Variants in COX4I2 observed in about 807,000 individuals in gnomAD.
The protein encoded by COX4I2 is cytochrome c oxidase subunit 4I2, also known as cytochrome c oxidase subunit 4 isoform 2, mitochondrial.
COX4I2 carries 15 observed loss-of-function variants against 20.8 expected under a neutral mutation model. The observed-to-expected ratio is 0.72, with a 90% CI of 0.48 to 1.11. The LOEUF is 1.11. COX4I2 is among the 50% of genes most tolerant of loss of function. The probability of loss-of-function intolerance (pLI) is 0.00; values close to 1 mark genes in which losing one functional copy is unlikely to be tolerated. For missense variants in COX4I2, 224 were observed against 223.0 expected (o/e 1.00, Z -0.03); for synonymous variants, 80 against 78.1 (o/e 1.02, Z -0.13).
chr20:31,643,338 G>A lies in COX4I2; in HGVS notation c.248-66G>A, dbSNP rs2060478584. ...AATGAACAGCATCTGCTGCAGGGAG[G>A]GGGAAGCCGGGATCACTTAGAGTGG... is the stretch of plus-strand genomic sequence containing the variant. On this transcript the variant is annotated intron_variant, in intron 3 of 4. Coordinates refer to ENST00000376075, the MANE Select transcript of COX4I2 (RefSeq NM_032609.3). 6 of 1,599,008 alleles carry A rather than the reference G, an allele frequency of 3.8e-6. No homozygotes were observed. In the Admixed American group the frequency reaches 5.0e-5, roughly 13 times the overall value.
chr20:31,643,542 G>A lies in COX4I2; in HGVS notation c.379+7G>A, dbSNP rs1385948337. The A allele has an allele frequency of 6.2e-7, 1 of 1,614,088 alleles. No individual in the cohort carries two copies. The highest frequency in any genetic ancestry group is 1.7e-5 in the Admixed American group (1 of 60,006). ...TGGTGGCAGCGGGTCTACGGTGAGT[G>A]GCAACACCTCATCTGGCTGCAGTCC... On this transcript the variant is annotated splice_region_variant and intron_variant, in intron 4 of 4. Transcript: ENST00000376075.
chr20:31,638,006 G>A (rs1006450338), intron 1 of COX4I2, 44 bp downstream of exon 1: 1 of 152,210 alleles, frequency 6.6e-6, no homozygotes, highest in Non-Finnish European at 1.5e-5. Flanking sequence ...GCCCGCGCGG[G>A]TCAGGGGCGC....
rs141555235 is a variant in COX4I2, at chr20:31,639,923, G to T, written c.83-10G>T. ...CAGCCTGGACTCAGCTCCCTCCATTGTGTCTGCAGCCCGTGGTGGGGGGAA... is the reference window on the plus strand; with the variant it reads ...CAGCCTGGACTCAGCTCCCTCCATTTTGTCTGCAGCCCGTGGTGGGGGGAA... On this transcript the variant is annotated splice_polypyrimidine_tract_variant and intron_variant, in intron 2 of 4. Transcript: ENST00000376075. 806 of 1,589,856 alleles carry T rather than the reference G, an allele frequency of 5.1e-4. 6 individuals are homozygous for T. The African/African-American group carries it at 9.8e-3, about 19-fold the overall frequency.
intron 1 of COX4I2, among the ~76,000 whole-genome samples, chr20:31,638,215 G>A (rs2060447014): frequency 1.3e-5 from 2 of 151,884 alleles, no homozygotes; most frequent in Non-Finnish European, 2.9e-5. Flanking sequence ...ATCACTGGCC[G>A]GAGCCCCTCT....
chr20:31,644,618 G>A (rs2060485516), intron 4 of COX4I2, 150 bp from the exon 5 acceptor site: 1 of 861,088 alleles, frequency 1.2e-6, no homozygotes, highest in Admixed American at 2.0e-5. Context: ...AGACAGGGTG[G>A]AGTGAGCTCC....
At chr20:31,639,871 A>T in intron 2 of COX4I2, 62 bp from the exon 3 acceptor site, 1 of 1,583,606 alleles carries the variant, frequency 6.3e-7, no homozygotes, top group East Asian at 2.2e-5. Context: ...CTTTATTAAT[A>T]TAGTTAGAGA....
chr20:31,639,085 G>A lies in COX4I2; in HGVS notation c.68G>A (p.Ser23Asn). The change falls in exon 2 of 5, where the codon AGC becomes AAC. Residue 23 changes from serine to asparagine, a missense_variant. By Grantham distance (46) the Ser-to-Asn change is conservative. Coordinates refer to ENST00000376075, the MANE Select transcript of COX4I2 (RefSeq NM_032609.3). ...KGGGGRRGMHSSEGTTRGGGK... is the reference protein window; with the variant it reads ...KGGGGRRGMHNSEGTTRGGGK... ...GGAGGTGGAAGACGAGGGATGCACA[G>A]CTCAGAAGGCACCAGTGAGACCTGG... The A allele has an allele frequency of 1.2e-6, 2 of 1,611,256 alleles. No homozygotes were observed. The highest frequency in any genetic ancestry group is 1.7e-6 in the Non-Finnish European group (2 of 1,178,934).
At chr20:31,639,870 T>C (rs2060456615) in intron 2 of COX4I2, 63 bp from the exon 3 acceptor site, 2 of 1,582,182 alleles carry the variant, frequency 1.3e-6, no homozygotes, top group South Asian at 1.1e-5. Flanking sequence ...TCTTTATTAA[T>C]ATAGTTAGAG....
In COX4I2 at chr20:31,643,414, C is replaced by G; in HGVS notation, c.258C>G (p.Leu86=). The change falls in exon 4 of 5, where the codon CTC becomes CTG. Residue 86 remains leucine, a synonymous_variant. Coordinates refer to ENST00000376075, the MANE Select transcript of COX4I2 (RefSeq NM_032609.3). ...THAEKVALYR[L]QFNETFAEMN... is the part of the protein sequence containing the mutation. ...CCCAACTGCCTCCAGTGTACCGGCTCCAGTTCAATGAGACCTTTGCGGAGA... is the reference window on the plus strand; with the variant it reads ...CCCAACTGCCTCCAGTGTACCGGCTGCAGTTCAATGAGACCTTTGCGGAGA... The G allele has an allele frequency of 6.2e-7, 1 of 1,614,164 alleles. No homozygotes were observed. The highest frequency in any genetic ancestry group is 8.5e-7 in the Non-Finnish European group (1 of 1,180,046).
chr20:31,639,426 C>A, intron 2 of COX4I2: 1 of 350,872 alleles, frequency 2.9e-6, no homozygotes, highest in Non-Finnish European at 4.0e-6. Context: ...AGTTTCAATG[C>A]TAGTAAGAAG....
intron 4 of COX4I2, among the ~76,000 whole-genome samples, chr20:31,644,363 G>C (rs1361376192): frequency 1.3e-5 from 2 of 152,196 alleles, no homozygotes; most frequent in Non-Finnish European, 2.9e-5. Flanking sequence ...GGAAACTGAG[G>C]CTCAGAGAGA....
intron 4 of COX4I2, 142 bp downstream of exon 4, chr20:31,643,677 G>C (rs1445208432): frequency 3.1e-6 from 3 of 961,714 alleles, no homozygotes; most frequent in Non-Finnish European, 4.9e-6. Flanking sequence ...GAAGGACAGA[G>C]CATGGCTGTC....
At chr20:31,641,241 C>T (rs139074516) in intron 3 of COX4I2, among the ~76,000 whole-genome samples, 107 of 151,738 alleles carry the variant, frequency 7.1e-4, no homozygotes, top group Non-Finnish European at 1.3e-3. Flanking sequence ...GCCTGTCGTC[C>T]CAGCTATTTG....
rs150196183 is a variant in COX4I2, at chr20:31,644,784, G to C, written c.396G>C (p.Pro132=). The C allele has an allele frequency of 1.2e-6, 2 of 1,613,992 alleles. No individual in the cohort carries two copies. Among genetic ancestry groups the C allele is most frequent in the East Asian group, 2.2e-5 (1 of 44,852 alleles). Residue 132 remains proline (P), a synonymous_variant, in exon 5 of 5, where the codon CCG becomes CCC. Transcript: ENST00000376075. ...TCCCTGCAGTATTTCCTCCAAAGCC[G>C]ATCACCTTGACGGACGAGCGGAAAG... The part of the protein sequence containing the change: ...WQRVYVFPPK[P]ITLTDERKAQ...
chr20:31,642,491 G>A (rs2060474159), intron 3 of COX4I2, among the ~76,000 whole-genome samples: 1 of 132,594 alleles, frequency 7.5e-6, no homozygotes, highest in Non-Finnish European at 1.5e-5. Flanking sequence ...CTAGGCTGGA[G>A]TGCAGTGGCA....
In COX4I2 at chr20:31,643,553, A is replaced by G; in HGVS notation, c.379+18A>G. 1 of 1,613,954 alleles carries G rather than the reference A, an allele frequency of 6.2e-7. No individual in the cohort carries two copies. The highest frequency in any genetic ancestry group is 8.5e-7 in the Non-Finnish European group (1 of 1,179,872). On this transcript the variant is annotated intron_variant, in intron 4 of 4. Coordinates refer to ENST00000376075, the MANE Select transcript of COX4I2 (RefSeq NM_032609.3). ...GGTCTACGGTGAGTGGCAACACCTCATCTGGCTGCAGTCCTGGGCCATGCC... is the reference window on the plus strand; with the variant it reads ...GGTCTACGGTGAGTGGCAACACCTCGTCTGGCTGCAGTCCTGGGCCATGCC...
intron 3 of COX4I2, among the ~76,000 whole-genome samples, chr20:31,642,821 A>G (rs191231148): frequency 3.4e-4 from 51 of 152,204 alleles, no homozygotes; most frequent in Admixed American, 6.6e-4. Flanking sequence ...GACTGAAGCA[A>G]TCCACCCGTC....
At chr20:31,640,943 C>T (rs1291721112) in intron 3 of COX4I2, among the ~76,000 whole-genome samples, 1 of 140,878 alleles carries the variant, frequency 7.1e-6, no homozygotes, top group Non-Finnish European at 1.5e-5. Context: ...CCTTCTCTCT[C>T]TCTCTCTTTC....
At position 31,643,397 on chromosome 20, in the gene COX4I2, CCTCCAGTGTACCGG is replaced by C; in HGVS notation, c.249_262del (p.Leu83PhefsTer3). 2 of 1,614,052 alleles carry C rather than the reference CCTCCAGTGTACCGG, an allele frequency of 1.2e-6. No homozygotes were observed. The highest frequency in any genetic ancestry group is 1.7e-6 in the Non-Finnish European group (2 of 1,180,018). On this transcript the variant is annotated splice_acceptor_variant and splice_polypyrimidine_tract_variant and coding_sequence_variant and intron_variant, in exon 4 of 5. Coordinates refer to ENST00000376075, the MANE Select transcript of COX4I2 (RefSeq NM_032609.3). LOFTEE classifies it high-confidence loss of function. ...GAGGCCCCTTCCCCACACCCAACTG[CCTCCAGTGTACCGG>C]CTCCAGTTCAATGAGACCTTTGCGG...
Sources: allele counts gnomAD v4.1 joint callset (sites outside exome capture counted in the v4.1 genomes callset), GRCh38; gene constraint gnomAD v4.1.1; transcripts MANE v1.5; gene names NCBI Gene and HGNC (gene_info 2026-07-23, HGNC 2026-07-21).